The following ACSBG2 variants were observed in gnomAD, a reference collection of about 807,000 sequenced individuals.
ACSBG2 encodes acyl-CoA synthetase bubblegum family member 2, also known as long-chain-fatty-acid--CoA ligase ACSBG2.
A neutral mutation model predicts 74.7 loss-of-function variants in ACSBG2; 62 were observed. That is an observed-to-expected ratio of 0.83 (90% confidence interval 0.68 to 1.03). The LOEUF (loss-of-function observed/expected upper bound fraction) is 1.03. ACSBG2 is among the 50% of genes least tolerant of loss of function. ACSBG2 has a pLI of 0.00. For synonymous variants in ACSBG2, 309 were observed against 294.1 expected, an observed-to-expected ratio of 1.05 and a Z score of -0.52; for missense variants, 730 against 817.6, an observed-to-expected ratio of 0.89 and a Z score of 1.31.
At chr19:6,148,866 G>T (rs931250448) in intron 3 of ACSBG2, among the ~76,000 whole-genome samples, 1 of 152,146 alleles carries the variant, frequency 6.6e-6, no homozygotes, top group Non-Finnish European at 1.5e-5. Context: ...ACTTTGGGAG[G>T]CCAAGGTGGG....
intron 14 of ACSBG2, 108 bp downstream of exon 14, chr19:6,190,800 T>TACACAC (rs2090540856): frequency 4.2e-6 from 1 of 237,250 alleles, no homozygotes; most frequent in Non-Finnish European, 6.9e-6. Context: ...AACACACACA[T>TACACAC]ACACACATAC....
intron 8 of ACSBG2, among the ~76,000 whole-genome samples, chr19:6,177,739 CTT>C (rs34354988): frequency 0.069 from 10,441 of 150,394 alleles, 1,145 homozygotes; most frequent in African/African-American, 0.23. Flanking sequence ...AATAAAACAA[CTT>C]TTTTTTTTTT....
rs768926607 is a variant in ACSBG2 at position 6,180,926 on chromosome 19, G to A, written c.907-1825G>A. 5.3e-5 allele frequency among the ~76,000 whole-genome samples: 8 copies of A among 151,944 alleles called. No homozygotes were observed. Among genetic ancestry groups the A allele is most frequent in the South Asian group, 2.1e-4 (1 of 4,834 alleles). ...AAAAAGAAAAGTAAAAGCCAGGCAC[G>A]GCGGCTCACGCCTGTAATCCCAGTA... On this transcript the variant is annotated intron_variant, in intron 8 of 14. Transcript: ENST00000588485. The surrounding 1 kb of genome is among the most constrained non-coding windows in gnomAD (Gnocchi z 4.3).
Position 6,147,583 on chromosome 19 carries a change from GC to G in ACSBG2, c.208del (p.Leu70SerfsTer12). The G allele has an allele frequency of 6.2e-7, 1 of 1,614,170 alleles. No homozygotes were observed. Among genetic ancestry groups the G allele is most frequent in the Non-Finnish European group, 8.5e-7 (1 of 1,180,046 alleles). ...ESVNRFGTYP[A>X]LASKNGKKWE... ...AGTCAACCGATTTGGAACTTATCCA[GC>G]CCTCGCATCCAAGAATGGCAAAAAG... On this transcript the variant is annotated frameshift_variant, in exon 3 of 15. Coordinates refer to ENST00000588485, the MANE Select transcript of ACSBG2 (RefSeq NM_030924.5). LOFTEE classifies it high-confidence loss of function.
chr19:6,166,130 T>A, intron 7 of ACSBG2, 115 bp downstream of exon 7: 1 of 1,340,718 alleles, frequency 7.5e-7, no homozygotes, highest in Non-Finnish European at 1.0e-6. Flanking sequence ...CCTTCACCAT[T>A]GGGGGTTAGA....
At position 6,182,890 on chromosome 19, in the gene ACSBG2, C is replaced by A; in HGVS notation, c.1046C>A (p.Ala349Glu). ...MGLKKKAFVW[A>E]RNIGFKVNSK... ...TTGAAGAAGAAGGCATTCGTGTGGG[C>A]AAGAAACATTGGCTTCAAGGTCAAC... The change falls in exon 9 of 15, where the codon GCA becomes GAA. Residue 349 changes from alanine (A) to glutamate (E), a missense_variant. Coordinates refer to ENST00000588485, the MANE Select transcript of ACSBG2 (RefSeq NM_030924.5). 6.2e-7 allele frequency: 1 copy of A among 1,614,134 alleles called. No individual in the cohort carries two copies. Among genetic ancestry groups the A allele is most frequent in the Non-Finnish European group, 8.5e-7 (1 of 1,180,030 alleles).
chr19:6,148,804 G>A (rs928410869), intron 3 of ACSBG2, among the ~76,000 whole-genome samples: 1 of 151,900 alleles, frequency 6.6e-6, no homozygotes, highest in Non-Finnish European at 1.5e-5. Flanking sequence ...CCCTCCTCCC[G>A]TAAATCTTGG....
intron 5 of ACSBG2, among the ~76,000 whole-genome samples, chr19:6,159,511 A>C (rs1016175291): frequency 9.9e-5 from 15 of 152,192 alleles, no homozygotes; most frequent in Non-Finnish European, 4.4e-5. Flanking sequence ...GAATAAAGCA[A>C]TATCTGAATT....
intron 5 of ACSBG2, among the ~76,000 whole-genome samples, chr19:6,157,439 C>T (rs2089463110): frequency 6.6e-6 from 1 of 152,138 alleles, no homozygotes. Context: ...CACCTGTAGT[C>T]CCAGCTACTG....
At chr19:6,161,742 C>A (rs1209540440) in intron 6 of ACSBG2, among the ~76,000 whole-genome samples, 2 of 151,872 alleles carry the variant, frequency 1.3e-5, no homozygotes, top group Non-Finnish European at 2.9e-5. Context: ...TGCGTGGGGG[C>A]CTAGCAAAAG....
intron 1 of ACSBG2, among the ~76,000 whole-genome samples, chr19:6,136,424 C>T (rs1303672854): frequency 4.0e-5 from 6 of 151,396 alleles, no homozygotes; most frequent in South Asian, 4.2e-4. Context: ...GATGGGGTTT[C>T]GCCATACCAG....
chr19:6,161,592 C>G (rs573209264), intron 6 of ACSBG2: 1 of 281,264 alleles, frequency 3.6e-6, no homozygotes. Flanking sequence ...GGGAGGTAAG[C>G]AGAGATGGAA....
chr19:6,184,080 A>T (rs1342335009), intron 10 of ACSBG2, among the ~76,000 whole-genome samples: 2 of 152,170 alleles, frequency 1.3e-5, no homozygotes, highest in African/African-American at 4.8e-5. Context: ...ACAGGCATGA[A>T]CCACCATGCC....
At chr19:6,177,739 CT>C (rs34354988) in intron 8 of ACSBG2, among the ~76,000 whole-genome samples, 59,307 of 150,246 alleles carry the variant, frequency 0.39, 12,101 homozygotes, top group African/African-American at 0.51. Flanking sequence ...AATAAAACAA[CT>C]TTTTTTTTTT....
rs1217556375 is a variant in ACSBG2, at chr19:6,151,702, C to A, written c.298-5C>A. 2 of 1,590,340 alleles carry A rather than the reference C, an allele frequency of 1.3e-6. No individual in the cohort carries two copies. Among genetic ancestry groups the A allele is most frequent in the Admixed American group, 1.8e-5 (1 of 55,698 alleles). Reference sequence around the variant, plus strand: ...TTGTTTTTCTGTTTGCTTTTTCCTTCCCAGCTGGGTTTGGAGCGTTTCCAC... The same window carrying A: ...TTGTTTTTCTGTTTGCTTTTTCCTTACCAGCTGGGTTTGGAGCGTTTCCAC... On this transcript the variant is annotated splice_polypyrimidine_tract_variant and splice_region_variant and intron_variant, in intron 3 of 14. Transcript: ENST00000588485.
intron 4 of ACSBG2, among the ~76,000 whole-genome samples, chr19:6,154,546 CTG>C (rs1323108444): frequency 6.7e-6 from 1 of 150,232 alleles, no homozygotes; most frequent in Non-Finnish European, 1.5e-5. Flanking sequence ...GAGTCTCACT[CTG>C]TTGCCCAGGC....
At chr19:6,187,260 T>C (rs1186980295) in intron 11 of ACSBG2, 23 bp from the exon 12 acceptor site, 1 of 1,613,732 alleles carries the variant, frequency 6.2e-7, no homozygotes, top group African/African-American at 1.3e-5. Flanking sequence ...GCTGGACATG[T>C]ACCAAGCCAA....
chr19:6,173,597 C>G (rs1302748518), intron 7 of ACSBG2, among the ~76,000 whole-genome samples: 2 of 152,144 alleles, frequency 1.3e-5, no homozygotes, highest in African/African-American at 4.8e-5. Context: ...GCCCTTGCAG[C>G]TTTCCTTTCC....
At chr19:6,187,928 A>G (rs936461889) in intron 13 of ACSBG2, 83 bp downstream of exon 13, 2 of 1,557,702 alleles carry the variant, frequency 1.3e-6, no homozygotes, top group African/African-American at 2.7e-5. Flanking sequence ...TCCTTTTCTG[A>G]AGGTCAGAGG....
Sources: allele counts gnomAD v4.1 joint callset (sites outside exome capture counted in the v4.1 genomes callset), GRCh38; gene constraint gnomAD v4.1.1; non-coding constraint Gnocchi (gnomAD v3.1); transcripts MANE v1.5; gene names NCBI Gene and HGNC (gene_info 2026-07-23, HGNC 2026-07-21).